Variants in KDM4C observed in about 807,000 individuals in gnomAD.
KDM4C encodes lysine-specific demethylase 4C.
In KDM4C, 81 loss-of-function variants were observed where a neutral mutation model predicts 129.3. That is an observed-to-expected ratio of 0.63 (90% confidence interval 0.52 to 0.75). KDM4C has a LOEUF of 0.75. Among genes scored for constraint, KDM4C ranks in the 30% least tolerant of loss-of-function variants. The pLI is 0.00. For missense variants in KDM4C, 1,457 were observed against 1,304.0 expected, an observed-to-expected ratio of 1.12 and a Z score of -1.81; for synonymous variants, 573 against 456.1, an observed-to-expected ratio of 1.26 and a Z score of -3.26.
intron 1 of KDM4C, among the ~76,000 whole-genome samples, chr9:6,745,578 CAAAA>C (rs57251333): frequency 2.8e-5 from 3 of 106,974 alleles, no homozygotes; most frequent in Non-Finnish European, 5.9e-5. Context: ...GTCCTGTCTC[CAAAA>C]AAAAAAAAAA....
upstream of KDM4C, among the ~76,000 whole-genome samples, chr9:6,755,363 T>G (rs948033987): frequency 6.6e-6 from 1 of 152,106 alleles, no homozygotes; most frequent in Non-Finnish European, 1.5e-5. Flanking sequence ...AGAGTGAGAC[T>G]CTGTCTCAAT....
chr9:7,105,570 T>C (rs1837592344), intron 18 of KDM4C: 7 of 424,304 alleles, frequency 1.6e-5, no homozygotes, highest in South Asian at 1.2e-4. Flanking sequence ...CTTGCCCAAA[T>C]AGATGCAGAT....
intron 17 of KDM4C, among the ~76,000 whole-genome samples, chr9:7,050,461 CA>C (rs1420712347): frequency 1.7e-5 from 1 of 60,424 alleles, no homozygotes; most frequent in African/African-American, 5.2e-5. Flanking sequence ...AAAAAGACAC[CA>C]AAAAACAAAC....
chr9:6,817,586 TA>T (rs889955211), intron 4 of KDM4C, among the ~76,000 whole-genome samples: 7 of 151,926 alleles, frequency 4.6e-5, no homozygotes, highest in Non-Finnish European at 7.4e-5. Flanking sequence ...AAATAAAAGT[TA>T]AAAAAATAGC....
intron 8 of KDM4C, chr9:6,941,683 G>C (rs3818902): frequency 0.28 from 39,465 of 139,012 alleles, 5,574 homozygotes; most frequent in South Asian, 0.44. Flanking sequence ...CATGCTTGAC[G>C]TTGTGGCAGC....
chr9:6,804,828 A>G (rs925311975), intron 2 of KDM4C, among the ~76,000 whole-genome samples: 3 of 152,180 alleles, frequency 2.0e-5, no homozygotes, highest in Non-Finnish European at 4.4e-5. Flanking sequence ...TAAACAGCAC[A>G]TAGGTACTTA....
chr9:7,151,475 C>T (rs960391889), intron 19 of KDM4C, among the ~76,000 whole-genome samples: 2 of 152,060 alleles, frequency 1.3e-5, no homozygotes, highest in Non-Finnish European at 2.9e-5. Flanking sequence ...TTGTGCCCAG[C>T]TATGTTGCTG....
At chr9:6,947,004 A>C (rs1827091725) in intron 8 of KDM4C, among the ~76,000 whole-genome samples, 1 of 152,142 alleles carries the variant, frequency 6.6e-6, no homozygotes, top group South Asian at 2.1e-4. Flanking sequence ...GTCATAGTGA[A>C]GGGAAGGATT....
chr9:7,097,273 G>T (rs1422249628), intron 17 of KDM4C, among the ~76,000 whole-genome samples: 1 of 152,234 alleles, frequency 6.6e-6, no homozygotes, highest in East Asian at 1.9e-4. Flanking sequence ...CTCCAGTGCA[G>T]AGTCTGATCT....
intron 17 of KDM4C, among the ~76,000 whole-genome samples, chr9:7,101,575 T>G (rs1392917685): frequency 6.6e-6 from 1 of 152,236 alleles, no homozygotes; most frequent in Non-Finnish European, 1.5e-5. Flanking sequence ...GATTCTGTCC[T>G]TAGAAGTCCC....
chr9:6,993,015 A>G (rs1340512), intron 12 of KDM4C, among the ~76,000 whole-genome samples: 125,156 of 152,046 alleles, frequency 0.82, 52,329 homozygotes, highest in Non-Finnish European at 0.89. Context: ...AGGACAGTGC[A>G]GTGGCTCTTT....
At chr9:6,959,919 G>C (rs1389533633) in intron 8 of KDM4C, among the ~76,000 whole-genome samples, 1 of 80,014 alleles carries the variant, frequency 1.2e-5, no homozygotes, top group Non-Finnish European at 2.7e-5. Flanking sequence ...AGTGACAACA[G>C]CTGTGGTATA....
intron 8 of KDM4C, among the ~76,000 whole-genome samples, chr9:6,972,624 T>C (rs1832190606): frequency 6.6e-6 from 1 of 152,214 alleles, no homozygotes; most frequent in Non-Finnish European, 1.5e-5. Context: ...TGCCATGCTT[T>C]ATTCTTACCA....
chr9:6,945,138 C>A (rs1826724838), intron 8 of KDM4C, among the ~76,000 whole-genome samples: 1 of 152,090 alleles, frequency 6.6e-6, no homozygotes, highest in Admixed American at 6.5e-5. Flanking sequence ...ACCCGTGGAC[C>A]CGCACACATA....
intron 18 of KDM4C, among the ~76,000 whole-genome samples, chr9:7,120,563 A>T (rs1481762420): frequency 6.6e-5 from 10 of 152,196 alleles, no homozygotes; most frequent in African/African-American, 2.4e-4. Flanking sequence ...TTTTTTCTTA[A>T]TACAGCCCCA....
intron 1 of KDM4C, among the ~76,000 whole-genome samples, chr9:6,779,091 T>G (rs1427470495): frequency 2.5e-3 from 340 of 135,994 alleles, no homozygotes; most frequent in Middle Eastern, 0.012. Flanking sequence ...TGCAGTGGCG[T>G]GATCTTGGCT....
chr9:7,069,287 T>A (rs1832880124), intron 17 of KDM4C, among the ~76,000 whole-genome samples: 2 of 152,254 alleles, frequency 1.3e-5, no homozygotes, highest in Non-Finnish European at 2.9e-5. Context: ...TAGGGTTGTT[T>A]TAAAGTTAAC....
At chr9:6,905,110 A>G (rs934883470) in intron 8 of KDM4C, among the ~76,000 whole-genome samples, 27 of 152,240 alleles carry the variant, frequency 1.8e-4, no homozygotes, top group African/African-American at 6.0e-4. Context: ...TAAAAGAGCA[A>G]ACAGCCAAAG....
At chr9:6,771,811 C>T (rs1821904106) in intron 1 of KDM4C, among the ~76,000 whole-genome samples, 1 of 151,834 alleles carries the variant, frequency 6.6e-6, no homozygotes, top group Non-Finnish European at 1.5e-5. Flanking sequence ...GAGGGGCTCG[C>T]TGCCCAGGCT....
Sources: gnomAD v4.1 joint callset for allele counts (sites outside exome capture counted in the v4.1 genomes callset) on GRCh38, gnomAD v4.1.1 for gene constraint, MANE v1.5 for transcripts, NCBI Gene and HGNC (gene_info 2026-07-23, HGNC 2026-07-21) for gene names.